Variants in DIAPH2 observed in about 807,000 individuals in gnomAD.
DIAPH2 encodes diaphanous related formin 2.
DIAPH2 carries 35 observed loss-of-function variants against 92.7 expected under a neutral mutation model. The ratio of observed to expected loss-of-function variants is 0.38; its 90% CI spans 0.29 to 0.50. The LOEUF is 0.50. Among genes scored for constraint, DIAPH2 ranks in the 20% least tolerant of loss-of-function variants. The pLI, the probability that DIAPH2 is intolerant of heterozygous loss-of-function variation, is 0.94. For synonymous variants in DIAPH2, 301 were observed against 280.4 expected (o/e 1.07, Z -0.73); for missense variants, 701 against 819.5 (o/e 0.86, Z 1.77).
intron 4 of DIAPH2, among the ~76,000 whole-genome samples, chrX:96,767,473 A>C (rs780799044): frequency 8.9e-6 from 1 of 111,778 alleles, no homozygotes; most frequent in Non-Finnish European, 1.9e-5. Flanking sequence ...ATATTTTTGA[A>C]GTATATTGTT....
chrX:97,183,750 A>G (rs2067558836), intron 22 of DIAPH2, among the ~76,000 whole-genome samples: 1 of 112,310 alleles, frequency 8.9e-6, no homozygotes. Context: ...CTGAAATGCA[A>G]ATAGTGCTAT....
chrX:96,906,247 A>T (rs965564870), intron 5 of DIAPH2, among the ~76,000 whole-genome samples: 17 of 112,979 alleles, frequency 1.5e-4, no homozygotes, highest in African/African-American at 5.5e-4. Context: ...GATGACAGGC[A>T]TGACACTGTG....
intron 26 of DIAPH2, among the ~76,000 whole-genome samples, chrX:97,585,271 A>G (rs2071472277): frequency 1.1e-5 from 1 of 94,729 alleles, no homozygotes; most frequent in African/African-American, 3.9e-5. Context: ...TTTTTTTTTT[A>G]ATGAAATTGG....
At chrX:97,491,004 A>T (rs1227941826) in intron 26 of DIAPH2, among the ~76,000 whole-genome samples, 1 of 110,209 alleles carries the variant, frequency 9.1e-6, no homozygotes. Flanking sequence ...CAAAAGTGGG[A>T]TATGAATTAT....
intron 22 of DIAPH2, among the ~76,000 whole-genome samples, chrX:97,230,191 C>T (rs1439581697): frequency 1.8e-5 from 2 of 111,335 alleles, no homozygotes; most frequent in Non-Finnish European, 3.8e-5. Context: ...AATTTCTTTT[C>T]AAATATTGAT....
At chrX:97,552,301 A>T (rs1444554360) in intron 26 of DIAPH2, among the ~76,000 whole-genome samples, 1 of 112,295 alleles carries the variant, frequency 8.9e-6, no homozygotes, top group East Asian at 2.8e-4. Flanking sequence ...TGAAAAGAAC[A>T]TGAAAAGTTC....
rs1418356413 is a variant in DIAPH2, at chrX:96,847,583, A to AT, written c.448-33994dup. Among the ~76,000 whole-genome samples, 28 of 108,575 alleles carry AT rather than the reference A, an allele frequency of 2.6e-4. 1 individual carries two copies. The highest frequency in any genetic ancestry group is 4.7e-4 in the South Asian group (1 of 2,148). The allele number at this position is 108,575 out of a possible 115,157, so 94.3% of individuals were successfully genotyped here. Reference sequence around the variant, plus strand: ...TGCCTGTCATGTAATAGGTCTGTCTATTATTGTTGTTTTATTCATTTTTTG... The same window carrying AT: ...TGCCTGTCATGTAATAGGTCTGTCTATTTATTGTTGTTTTATTCATTTTTTG... On this transcript the variant is annotated intron_variant, in intron 4 of 26. Coordinates refer to ENST00000324765, the MANE Select transcript of DIAPH2 (RefSeq NM_006729.5).
chrX:97,446,686 A>G (rs990822850), intron 26 of DIAPH2, among the ~76,000 whole-genome samples: 1 of 111,153 alleles, frequency 9.0e-6, no homozygotes, highest in African/African-American at 3.3e-5. Context: ...CCTAAACTGA[A>G]GTATGGCCCC....
At chrX:97,094,214 G>A (rs922789473) in intron 19 of DIAPH2, among the ~76,000 whole-genome samples, 13 of 111,630 alleles carry the variant, frequency 1.2e-4, no homozygotes, top group Non-Finnish European at 2.1e-4. Context: ...AGTAGTCAGG[G>A]CTGGAGACGT....
chrX:97,239,834 ATCTC>A (rs370959933), intron 22 of DIAPH2, among the ~76,000 whole-genome samples: 2,462 of 98,091 alleles, frequency 0.025, 29 homozygotes, highest in Middle Eastern at 0.042. Context: ...TCTAGTAAAA[ATCTC>A]TCTCTCTCTC....
intron 4 of DIAPH2, among the ~76,000 whole-genome samples, chrX:96,839,026 T>C (rs1463002834): frequency 8.9e-6 from 1 of 111,804 alleles, no homozygotes; most frequent in East Asian, 2.8e-4. Flanking sequence ...ATTTGTTAAT[T>C]AGAGAGAAAA....
chrX:96,750,232 CG>C (rs760478307), intron 3 of DIAPH2, among the ~76,000 whole-genome samples: 93 of 109,114 alleles, frequency 8.5e-4, no homozygotes, highest in Non-Finnish European at 1.3e-3. Flanking sequence ...TTTGCCATGT[CG>C]GCCAGGCTGG....
intron 17 of DIAPH2, among the ~76,000 whole-genome samples, chrX:97,046,936 A>G (rs1293368535): frequency 3.6e-5 from 4 of 111,132 alleles, no homozygotes; most frequent in African/African-American, 1.3e-4. Context: ...AGGTTGTGTT[A>G]CTTTCGGTGG....
At chrX:97,421,979 C>T (rs1381552828) in intron 25 of DIAPH2, among the ~76,000 whole-genome samples, 1 of 111,789 alleles carries the variant, frequency 8.9e-6, no homozygotes, top group African/African-American at 3.2e-5. Flanking sequence ...GTGGCCTCAA[C>T]TCTTTTTTAC....
chrX:97,108,934 G>C (rs1304357071), intron 20 of DIAPH2, among the ~76,000 whole-genome samples: 1 of 111,646 alleles, frequency 9.0e-6, no homozygotes, highest in Admixed American at 9.5e-5. Context: ...TTCTGAAGAT[G>C]AATAAAGAAT....
intron 23 of DIAPH2, among the ~76,000 whole-genome samples, chrX:97,288,605 G>A (rs1294366224): frequency 1.8e-5 from 2 of 109,968 alleles, no homozygotes; most frequent in Non-Finnish European, 3.8e-5. Context: ...GCTGGGTGTG[G>A]TGGCACATGC....
intron 22 of DIAPH2, among the ~76,000 whole-genome samples, chrX:97,146,356 C>G (rs770768217): frequency 1.9e-5 from 2 of 107,663 alleles, no homozygotes; most frequent in East Asian, 5.8e-4. Context: ...TTTTTTTAAA[C>G]TGGAGTGATA....
chrX:97,236,078 G>T (rs1038791816), intron 22 of DIAPH2, among the ~76,000 whole-genome samples: 59 of 111,476 alleles, frequency 5.3e-4, no homozygotes, highest in African/African-American at 1.6e-3. Flanking sequence ...GCTAATCCAG[G>T]CAACACTAAT....
intron 22 of DIAPH2, among the ~76,000 whole-genome samples, chrX:97,161,218 A>G (rs762228898): frequency 9.1e-6 from 1 of 109,970 alleles, no homozygotes; most frequent in African/African-American, 3.3e-5. Flanking sequence ...GGGAAGGTAC[A>G]TGACTTATGT....
Sources: gnomAD v4.1 joint callset for allele counts (sites outside exome capture counted in the v4.1 genomes callset) on GRCh38, gnomAD v4.1.1 for gene constraint, MANE v1.5 for transcripts, NCBI Gene and HGNC (gene_info 2026-07-23, HGNC 2026-07-21) for gene names.